Variants in CPT1A observed in about 807,000 individuals in gnomAD.
The protein encoded by CPT1A is carnitine palmitoyltransferase 1A.
Under a neutral mutation model 100.8 loss-of-function variants are expected in CPT1A, and 64 were observed. The ratio of observed to expected loss-of-function variants is 0.63; its 90% CI spans 0.52 to 0.78. The LOEUF (loss-of-function observed/expected upper bound fraction) is 0.78. CPT1A is among the 30% of genes least tolerant of loss of function. The probability of loss-of-function intolerance (pLI) is 0.00; values close to 1 mark genes in which losing one functional copy is unlikely to be tolerated. For synonymous variants in CPT1A, 363 were observed against 396.0 expected, an observed-to-expected ratio of 0.92 and a Z score of 0.99; for missense variants, 802 against 1,034.1, an observed-to-expected ratio of 0.78 and a Z score of 3.08.
rs1415168016 is a variant in CPT1A at position 68,841,879 on chromosome 11, G to C, written c.-118C>G. 4 of 986,810 alleles carry C rather than the reference G, an allele frequency of 4.1e-6. No homozygotes were observed. Among genetic ancestry groups the C allele is most frequent in the Non-Finnish European group, 4.8e-6 (4 of 831,324 alleles). The allele number at this position is 986,810 out of a possible 1,614,324, so 61.1% of individuals were successfully genotyped here. A position where few individuals can be genotyped will look rare whatever the true frequency, so the allele number is the denominator to read the frequency against. On this transcript the variant is annotated 5_prime_UTR_variant, in exon 1 of 19. Coordinates refer to ENST00000265641, the MANE Select transcript of CPT1A (RefSeq NM_001876.4). The surrounding 1 kb of genome is among the most constrained non-coding windows in gnomAD (Gnocchi z 6.3). Reference sequence around the variant, plus strand: ...GGGAGCCGGGGAAGGAGGGCCGCGGGCGAGGCCGAGCGCACCCGACGCCGG... The same window carrying C: ...GGGAGCCGGGGAAGGAGGGCCGCGGCCGAGGCCGAGCGCACCCGACGCCGG...
Position 68,794,931 on chromosome 11 carries a change from G to T in CPT1A, c.772-20C>A. The T allele has an allele frequency of 1.3e-6, 2 of 1,592,330 alleles. No individual in the cohort carries two copies. The highest frequency in any genetic ancestry group is 2.2e-5 in the South Asian group (2 of 90,650). On this transcript the variant is annotated intron_variant, in intron 7 of 18. Coordinates refer to ENST00000265641, the MANE Select transcript of CPT1A (RefSeq NM_001876.4). ...CAGATCCTGAAAAGCGACAAAGGTGGAGAGAATTTGCATAGGGAAAGATAA... is the reference window on the plus strand; with the variant it reads ...CAGATCCTGAAAAGCGACAAAGGTGTAGAGAATTTGCATAGGGAAAGATAA...
At chr11:68,817,500 C>T (rs904204650) in intron 1 of CPT1A, among the ~76,000 whole-genome samples, 18 of 152,092 alleles carry the variant, frequency 1.2e-4, no homozygotes, top group Non-Finnish European at 2.2e-4. Flanking sequence ...TAACAAGCAA[C>T]GCAGGAGCAG....
chr11:68,834,115 G>A (rs1566391754), intron 1 of CPT1A, among the ~76,000 whole-genome samples: 1 of 152,178 alleles, frequency 6.6e-6, no homozygotes, highest in Non-Finnish European at 1.5e-5. Flanking sequence ...ACATTTATGG[G>A]GTCAATATAA....
rs1854659204 is a variant in CPT1A at position 68,762,616 on chromosome 11, T to C, written c.1875+11A>G. ...CAAGCACGTTGTGTCCTCAGCCTGA[T>C]GGCACATTACCGTCTGGGCCGGGTC... On this transcript the variant is annotated intron_variant, in intron 15 of 18. Transcript: ENST00000265641. The C allele has an allele frequency of 1.9e-6, 3 of 1,613,396 alleles. No individual in the cohort carries two copies. The highest frequency in any genetic ancestry group is 2.7e-5 in the African/African-American group (2 of 75,048).
chr11:68,763,752 C>T (rs754588514), intron 14 of CPT1A, among the ~76,000 whole-genome samples: 2 of 152,100 alleles, frequency 1.3e-5, no homozygotes, highest in Non-Finnish European at 2.9e-5. Flanking sequence ...AAACATGGTG[C>T]CTGGCCCACT....
rs139788643 is a variant in CPT1A at position 68,776,077 on chromosome 11, G to A, written c.1459-645C>T. On this transcript the variant is annotated intron_variant, in intron 12 of 18. Coordinates refer to ENST00000265641, the MANE Select transcript of CPT1A (RefSeq NM_001876.4). Reference sequence around the variant, plus strand: ...ATGAATTCCAGGTATGTGTTACAACGTACTGAACCTTGAAAACATTATGCT... The same window carrying A: ...ATGAATTCCAGGTATGTGTTACAACATACTGAACCTTGAAAACATTATGCT... 5.3e-5 allele frequency among the ~76,000 whole-genome samples: 8 copies of A among 152,284 alleles called. No homozygotes were observed. In the East Asian group the frequency reaches 1.5e-3, roughly 29 times the overall value.
intron 6 of CPT1A, among the ~76,000 whole-genome samples, chr11:68,797,423 C>T: frequency 6.6e-6 from 1 of 152,176 alleles, no homozygotes; most frequent in East Asian, 1.9e-4. Context: ...GTAATCTCAG[C>T]ACTTTGGGAG....
At chr11:68,814,204 A>G (rs1304044352) in intron 2 of CPT1A, among the ~76,000 whole-genome samples, 1 of 144,960 alleles carries the variant, frequency 6.9e-6, no homozygotes, top group Non-Finnish European at 1.5e-5. Flanking sequence ...ACATGGAAAA[A>G]CAAGACACTT....
intron 6 of CPT1A, 102 bp downstream of exon 6, chr11:68,799,116 G>A: frequency 9.2e-7 from 1 of 1,088,892 alleles, no homozygotes; most frequent in East Asian, 2.4e-5. Context: ...TGTGATTTTG[G>A]CTAATCCAAA....
At position 68,781,766 on chromosome 11, in the gene CPT1A, G is replaced by C; in HGVS notation, c.1352+5C>G. The stretch of plus-strand genomic sequence containing the variant: ...CTCCTGTCTCTCAGAAGGTAAGGAC[G>C]GTACCTGTCGTAACATCGGCCGTGT... On this transcript the variant is annotated splice_donor_5th_base_variant and intron_variant, in intron 11 of 18. Coordinates refer to ENST00000265641, the MANE Select transcript of CPT1A (RefSeq NM_001876.4). The C allele has an allele frequency of 6.2e-7, 1 of 1,614,056 alleles. No homozygotes were observed. Among genetic ancestry groups the C allele is most frequent in the Non-Finnish European group, 8.5e-7 (1 of 1,179,934 alleles).
intron 1 of CPT1A, among the ~76,000 whole-genome samples, chr11:68,839,047 G>T (rs1023774947): frequency 1.3e-5 from 2 of 151,988 alleles, no homozygotes; most frequent in African/African-American, 4.8e-5. Flanking sequence ...AAACAATCTC[G>T]AACAGCCATT....
chr11:68,829,172 A>G (rs1856818779), intron 1 of CPT1A, among the ~76,000 whole-genome samples: 1 of 152,164 alleles, frequency 6.6e-6, no homozygotes, highest in Non-Finnish European at 1.5e-5. Flanking sequence ...TCCAGTCCCC[A>G]GAACCTGCTG....
At chr11:68,787,997 C>T (rs918445436) in intron 9 of CPT1A, among the ~76,000 whole-genome samples, 3 of 150,338 alleles carry the variant, frequency 2.0e-5, no homozygotes, top group African/African-American at 4.9e-5. Context: ...GGGATGACCA[C>T]GTAAGGACAC....
intron 1 of CPT1A, among the ~76,000 whole-genome samples, chr11:68,834,487 C>T (rs1490834820): frequency 6.6e-6 from 1 of 152,066 alleles, no homozygotes; most frequent in Non-Finnish European, 1.5e-5. Flanking sequence ...TATGGTGGCT[C>T]ATGCCTGTAA....
At chr11:68,828,403 G>GC (rs34854628) in intron 1 of CPT1A, among the ~76,000 whole-genome samples, 5 of 151,576 alleles carry the variant, frequency 3.3e-5, no homozygotes, top group Middle Eastern at 3.4e-3. Flanking sequence ...CTGGGTCAGG[G>GC]CCCCCCACCT....
intron 16 of CPT1A, among the ~76,000 whole-genome samples, 198 bp from the exon 17 acceptor site, chr11:68,760,536 G>A (rs1387048440): frequency 6.6e-6 from 1 of 151,972 alleles, no homozygotes; most frequent in Admixed American, 6.5e-5. Context: ...CCAGACTGGG[G>A]CAGGGAGTGC....
rs1459569129 is a variant in CPT1A, at chr11:68,755,570, C to A, written c.*2074G>T. The stretch of plus-strand genomic sequence containing the variant: ...GACTACAGGCGCCCGCCACCACGCC[C>A]GGCTCATTTTTTGAATTTTTAGTAG... On this transcript the variant is annotated 3_prime_UTR_variant, in exon 19 of 19. Transcript: ENST00000265641. 1 of 151,978 alleles carries A rather than the reference C, an allele frequency of 6.6e-6. No homozygotes were observed. The highest frequency in any genetic ancestry group is 1.5e-5 in the Non-Finnish European group (1 of 68,044). 9.4% of individuals were successfully genotyped at this position (151,978 alleles called of 1,614,324 possible). A position where few individuals can be genotyped will look rare whatever the true frequency, so the allele number is the denominator to read the frequency against.
chr11:68,797,006 A>T, intron 6 of CPT1A, 73 bp from the exon 7 acceptor site: 1 of 1,466,932 alleles, frequency 6.8e-7, no homozygotes. Flanking sequence ...AGCAGCCCAG[A>T]GCCGCGGGGA....
At chr11:68,839,309 G>A (rs546115506) in intron 1 of CPT1A, among the ~76,000 whole-genome samples, 1 of 152,338 alleles carries the variant, frequency 6.6e-6, no homozygotes, top group African/African-American at 2.4e-5. Flanking sequence ...CTTGGAAAGC[G>A]TCCTCGGAAG....
Sources: gnomAD v4.1 joint callset for allele counts (sites outside exome capture counted in the v4.1 genomes callset) on GRCh38, gnomAD v4.1.1 for gene constraint, Gnocchi (gnomAD v3.1) non-coding constraint, MANE v1.5 for transcripts, NCBI Gene and HGNC (gene_info 2026-07-23, HGNC 2026-07-21) for gene names.